ANKHD1: variants seen among roughly 807,000 people sequenced by gnomAD.
The protein encoded by ANKHD1 is ankyrin repeat and KH domain containing 1, also known as ankyrin repeat and KH domain-containing protein 1.
ANKHD1 carries 31 observed loss-of-function variants against 230.5 expected under a neutral mutation model. The observed-to-expected ratio is 0.13, with a 90% CI of 0.10 to 0.18. The LOEUF (loss-of-function observed/expected upper bound fraction) is 0.18. ANKHD1 is among the 10% of genes least tolerant of loss of function. ANKHD1 has a pLI of 1.00. For synonymous variants in ANKHD1, 1,074 were observed against 1,117.6 expected (o/e 0.96, Z 0.78); for missense variants, 2,256 against 3,071.3 (o/e 0.73, Z 6.27).
At chr5:140,450,825 T>C (rs916028353) in intron 7 of ANKHD1, among the ~76,000 whole-genome samples, 1 of 152,072 alleles carries the variant, frequency 6.6e-6, no homozygotes, top group African/African-American at 2.4e-5. Context: ...AATATATGTA[T>C]GCAAGATATG....
intron 10 of ANKHD1, among the ~76,000 whole-genome samples, chr5:140,480,742 G>T (rs1751237400): frequency 6.6e-6 from 1 of 152,056 alleles, no homozygotes; most frequent in Non-Finnish European, 1.5e-5. Context: ...TGAGAGGGAA[G>T]ATTTGCAAGT....
chr5:140,500,166 G>A (rs1259744466), intron 15 of ANKHD1, among the ~76,000 whole-genome samples: 1 of 152,000 alleles, frequency 6.6e-6, no homozygotes, highest in African/African-American at 2.4e-5. Flanking sequence ...ACCGCGCCTG[G>A]CCAAAATTTT....
rs1251032967 is a variant in ANKHD1 at position 140,526,294 on chromosome 5, C to T, written c.4791C>T (p.Asp1597=). ...GGAATAGTGATTCAGATAACTTGGA[C>T]AGCACAGACTGCAACAGTGAGAGTA... The part of the protein sequence containing the change: ...AGGNSDSDNL[D]STDCNSESSS... The change falls in exon 26 of 34, where the codon GAC becomes GAT. Residue 1597 remains aspartate (D), a synonymous_variant. Coordinates refer to ENST00000360839, the MANE Select transcript of ANKHD1 (RefSeq NM_017747.3). The T allele has an allele frequency of 1.9e-6, 3 of 1,614,172 alleles. No individual in the cohort carries two copies. Among genetic ancestry groups the T allele is most frequent in the Admixed American group, 3.3e-5 (2 of 60,026 alleles).
At chr5:140,473,328 TAA>T (rs1750774955) in intron 10 of ANKHD1, among the ~76,000 whole-genome samples, 1 of 152,168 alleles carries the variant, frequency 6.6e-6, no homozygotes. Flanking sequence ...GTGCCTGGCC[TAA>T]GTTTCTTAAT....
In ANKHD1 at chr5:140,506,759, G is replaced by A. The variant is rs1395967903; in HGVS notation, c.3409-76G>A. ...TTTAGATAAGGAAGTTATAAGTCCT[G>A]TTTCTTTGTGTTTCCTTCATTATAA... On this transcript the variant is annotated intron_variant, in intron 18 of 33. Coordinates refer to ENST00000360839, the MANE Select transcript of ANKHD1 (RefSeq NM_017747.3). This position sits in a 1 kb window ranked among gnomAD's most constrained non-coding sequence, Gnocchi z 4.7. 1.9e-6 allele frequency: 3 copies of A among 1,576,592 alleles called. No individual in the cohort carries two copies. The highest frequency in any genetic ancestry group is 2.6e-6 in the Non-Finnish European group (3 of 1,167,854).
At chr5:140,519,944 A>C (rs1753241446) in intron 24 of ANKHD1, among the ~76,000 whole-genome samples, 1 of 152,034 alleles carries the variant, frequency 6.6e-6, no homozygotes, top group South Asian at 2.1e-4. Context: ...TAATTAAACT[A>C]AAGAGCTTCT....
intron 26 of ANKHD1, 35 bp from the exon 27 acceptor site, chr5:140,526,893 A>G (rs987512062): frequency 3.8e-6 from 6 of 1,584,524 alleles, no homozygotes; most frequent in Admixed American, 3.8e-5. Flanking sequence ...CTTAAAACTT[A>G]TCTTTTATTG....
At chr5:140,475,493 T>G (rs1265256243) in intron 10 of ANKHD1, among the ~76,000 whole-genome samples, 1 of 152,136 alleles carries the variant, frequency 6.6e-6, no homozygotes, top group African/African-American at 2.4e-5. Flanking sequence ...ATCAACTATC[T>G]AGGGTTATGG....
Position 140,526,090 on chromosome 5 carries a change from GA to G in ANKHD1, c.4594del (p.Arg1532GlyfsTer5). The G allele has an allele frequency of 1.2e-6, 2 of 1,613,236 alleles. No homozygotes were observed. Among genetic ancestry groups the G allele is most frequent in the Admixed American group, 1.7e-5 (1 of 59,844 alleles). On this transcript the variant is annotated frameshift_variant, in exon 26 of 34. Transcript: ENST00000360839. LOFTEE classifies it high-confidence loss of function. ...TSATFTNVFG[K>X]KRANVVTTPS... The stretch of plus-strand genomic sequence containing the variant: ...CTGCAACATTCACAAATGTGTTTGG[GA>G]AAAAAAGGGCCAATGTGGTGACAAC...
At chr5:140,502,181 C>T (rs1030166933) in intron 15 of ANKHD1, among the ~76,000 whole-genome samples, 2 of 152,194 alleles carry the variant, frequency 1.3e-5, no homozygotes, top group South Asian at 2.1e-4. Context: ...ATGTCATAGT[C>T]TTGGTGTAAT....
intron 6 of ANKHD1, among the ~76,000 whole-genome samples, chr5:140,446,177 A>G (rs926677602): frequency 6.6e-6 from 1 of 152,222 alleles, no homozygotes; most frequent in Non-Finnish European, 1.5e-5. Context: ...TATTATTTTA[A>G]TTCAGATTTA....
At chr5:140,465,952 A>G (rs749273295) in intron 10 of ANKHD1, among the ~76,000 whole-genome samples, 9 of 152,194 alleles carry the variant, frequency 5.9e-5, no homozygotes, top group Non-Finnish European at 1.2e-4. Context: ...TTGTCATTCA[A>G]AATAAAGAAA....
intron 3 of ANKHD1, among the ~76,000 whole-genome samples, chr5:140,438,913 C>G (rs1446222717): frequency 6.6e-6 from 1 of 152,104 alleles, no homozygotes; most frequent in East Asian, 1.9e-4. Context: ...GTTACTTATT[C>G]TAAAAGTTAT....
intron 10 of ANKHD1, among the ~76,000 whole-genome samples, chr5:140,468,052 C>CTATTTTTTTTT (rs1776223475): frequency 1.9e-5 from 1 of 52,380 alleles, no homozygotes; most frequent in Non-Finnish European, 3.2e-5. Flanking sequence ...TGTACTAATT[C>CTATTTTTTTTT]TTTTTTTTTT....
chr5:140,509,306 A>G (rs548019139), intron 20 of ANKHD1, among the ~76,000 whole-genome samples: 1 of 152,348 alleles, frequency 6.6e-6, no homozygotes, highest in South Asian at 2.1e-4. Flanking sequence ...AAGTGATTTT[A>G]ATCTACTTAT....
At chr5:140,511,144 C>A (rs1752750518) in intron 22 of ANKHD1, among the ~76,000 whole-genome samples, 1 of 151,756 alleles carries the variant, frequency 6.6e-6, no homozygotes, top group Admixed American at 6.6e-5. Flanking sequence ...TCATGCCCGG[C>A]CTCTCATATA....
chr5:140,444,565 T>G (rs1016365947), intron 5 of ANKHD1, among the ~76,000 whole-genome samples: 3 of 152,168 alleles, frequency 2.0e-5, no homozygotes, highest in Non-Finnish European at 4.4e-5. Context: ...GCATTTTGTT[T>G]GATGCCAGAT....
At chr5:140,477,022 G>C (rs1347048978) in intron 10 of ANKHD1, among the ~76,000 whole-genome samples, 1 of 152,010 alleles carries the variant, frequency 6.6e-6, no homozygotes, top group African/African-American at 2.4e-5. Flanking sequence ...ATTGTTAAAG[G>C]GCAGAGACTT....
chr5:140,505,193 C>T lies in ANKHD1; in HGVS notation c.3222C>T (p.Leu1074=), dbSNP rs138656562. 2.4e-5 allele frequency: 39 copies of T among 1,614,038 alleles called. No homozygotes were observed. The African/African-American group carries it at 4.8e-4, about 20-fold the overall frequency. The change falls in exon 17 of 34, where the codon CTC becomes CTT. Residue 1074 remains leucine (L), a synonymous_variant. Coordinates refer to ENST00000360839, the MANE Select transcript of ANKHD1 (RefSeq NM_017747.3). The part of the protein sequence containing the change: ...AGGHEELVSV[L]IARDAKIEHR... The stretch of plus-strand genomic sequence containing the variant: ...GTCATGAAGAACTTGTATCTGTGCT[C>T]ATTGCACGGGATGCCAAAATTGAAC...
Sources: allele counts gnomAD v4.1 joint callset (sites outside exome capture counted in the v4.1 genomes callset), GRCh38; gene constraint gnomAD v4.1.1; non-coding constraint Gnocchi (gnomAD v3.1); transcripts MANE v1.5; gene names NCBI Gene and HGNC (gene_info 2026-07-23, HGNC 2026-07-21).